The following RFX7 variants were observed in gnomAD, a reference collection of about 807,000 sequenced individuals.
The protein encoded by RFX7 is regulatory factor X7.
RFX7 carries 26 observed loss-of-function variants against 111.8 expected under a neutral mutation model. The observed-to-expected ratio is 0.23, with a 90% CI of 0.17 to 0.32. The LOEUF (loss-of-function observed/expected upper bound fraction) is 0.32. Ranked by LOEUF, RFX7 falls within the 10% of genes least tolerant of loss-of-function variation. The pLI is 1.00. For synonymous variants in RFX7, 624 were observed against 624.4 expected (o/e 1.00, Z 0.01); for missense variants, 1,573 against 1,772.9 (o/e 0.89, Z 2.02).
At chr15:56,105,404 A>G (rs1478243790) in intron 5 of RFX7, among the ~76,000 whole-genome samples, 1 of 152,238 alleles carries the variant, frequency 6.6e-6, no homozygotes, top group Non-Finnish European at 1.5e-5. Flanking sequence ...ACTAGGAACA[A>G]GATTTAAGGG....
At chr15:56,132,500 T>C (rs2042231438) in intron 5 of RFX7, among the ~76,000 whole-genome samples, 1 of 151,724 alleles carries the variant, frequency 6.6e-6, no homozygotes, top group Non-Finnish European at 1.5e-5. Context: ...TTAGAAAAAA[T>C]TAAAATAAGT....
At chr15:56,097,746 C>CAAAAAAAAAAAAAAAAAAAAAAAAAAA (rs67718449) in intron 9 of RFX7, among the ~76,000 whole-genome samples, 1 of 47,338 alleles carries the variant, frequency 2.1e-5, no homozygotes, top group Non-Finnish European at 3.3e-5. Flanking sequence ...GACTCTGTCT[C>CAAAAAAAAAAAAAAAAAAAAAAAAAAA]AAAAAAAAAA....
At chr15:56,217,844 A>C (rs2043378498) in intron 2 of RFX7, among the ~76,000 whole-genome samples, 1 of 152,184 alleles carries the variant, frequency 6.6e-6, no homozygotes, top group African/African-American at 2.4e-5. Context: ...TCTTTCACTC[A>C]ATCGAGCCAA....
chr15:56,186,365 T>C (rs1226865824), intron 2 of RFX7, among the ~76,000 whole-genome samples: 1 of 152,236 alleles, frequency 6.6e-6, no homozygotes, highest in East Asian at 1.9e-4. Flanking sequence ...AAAACCACTA[T>C]GGGTCATTTA....
chr15:56,117,685 G>C (rs2042025605), intron 5 of RFX7, among the ~76,000 whole-genome samples: 1 of 151,878 alleles, frequency 6.6e-6, no homozygotes. Context: ...TCTGTGAAAC[G>C]AACTTTTATC....
intron 5 of RFX7, among the ~76,000 whole-genome samples, chr15:56,109,439 C>T (rs1282289973): frequency 1.3e-5 from 2 of 151,702 alleles, no homozygotes; most frequent in African/African-American, 4.9e-5. Context: ...CCCAAAGTGC[C>T]GAGATTGCAG....
intron 5 of RFX7, among the ~76,000 whole-genome samples, chr15:56,142,447 C>G (rs1371858521): frequency 6.6e-6 from 1 of 152,152 alleles, no homozygotes; most frequent in African/African-American, 2.4e-5. Context: ...GCCTTCCACT[C>G]TCTAACCCCA....
chr15:56,143,852 T>C (rs1322489213), intron 4 of RFX7, among the ~76,000 whole-genome samples: 1 of 152,206 alleles, frequency 6.6e-6, no homozygotes, highest in African/African-American at 2.4e-5. Flanking sequence ...CTTAAAAGGT[T>C]AAGGAAACTC....
At chr15:56,115,109 A>G (rs1285526829) in intron 5 of RFX7, among the ~76,000 whole-genome samples, 1 of 152,164 alleles carries the variant, frequency 6.6e-6, no homozygotes, top group African/African-American at 2.4e-5. Context: ...CTCTGGGTTC[A>G]AGCAATTCTC....
In RFX7 at chr15:56,197,710, G is replaced by T. The variant is rs550350352; in HGVS notation, c.162-18407C>A. 5.2e-4 allele frequency among the ~76,000 whole-genome samples: 79 copies of T among 152,180 alleles called. 1 individual carries two copies. The highest frequency in any genetic ancestry group is 1.9e-3 in the African/African-American group (79 of 41,496). On this transcript the variant is annotated intron_variant, in intron 2 of 9. Coordinates refer to ENST00000559447, the MANE Select transcript of RFX7 (RefSeq NM_022841.7). ...GAGAAAGGGAAGCAAAGTAGGGATA[G>T]GAGTGTGGAAAAAAAGTATTTGGAT...
At chr15:56,165,201 T>TA (rs1316941414) in intron 3 of RFX7, among the ~76,000 whole-genome samples, 2 of 152,234 alleles carry the variant, frequency 1.3e-5, no homozygotes, top group African/African-American at 4.8e-5. Flanking sequence ...GCTGCTCACT[T>TA]ACTGCTGTGT....
intron 5 of RFX7, among the ~76,000 whole-genome samples, chr15:56,138,668 C>A (rs1366978319): frequency 6.6e-6 from 1 of 152,104 alleles, no homozygotes; most frequent in Non-Finnish European, 1.5e-5. Context: ...ATGATGTTAG[C>A]TGGTTGTTTT....
At chr15:56,173,500 G>A (rs935027703) in intron 3 of RFX7, among the ~76,000 whole-genome samples, 8 of 152,234 alleles carry the variant, frequency 5.3e-5, no homozygotes, top group African/African-American at 1.9e-4. Context: ...TGGACCACAG[G>A]CCGGACACAG....
chr15:56,115,196 G>C (rs1316132492), intron 5 of RFX7, among the ~76,000 whole-genome samples: 2 of 152,052 alleles, frequency 1.3e-5, no homozygotes, highest in Non-Finnish European at 2.9e-5. Flanking sequence ...ATTTTTACTA[G>C]AGACAGGGAT....
Position 56,183,004 on chromosome 15 carries a change from A to G in RFX7, c.162-3701T>C, listed in dbSNP as rs74663958. 1.8e-3 allele frequency among the ~76,000 whole-genome samples: 280 copies of G among 152,232 alleles called. 6 individuals are homozygous for G. The East Asian group carries it at 0.044, about 24-fold the overall frequency. ...ATTACCTTGCATATATATGCCATTTATACATGATATAGGTAATACATATAT... is the reference window on the plus strand; with the variant it reads ...ATTACCTTGCATATATATGCCATTTGTACATGATATAGGTAATACATATAT... On this transcript the variant is annotated intron_variant, in intron 2 of 9. Coordinates refer to ENST00000559447, the MANE Select transcript of RFX7 (RefSeq NM_022841.7).
intron 5 of RFX7, among the ~76,000 whole-genome samples, chr15:56,109,080 C>G (rs1028421943): frequency 1.3e-5 from 2 of 152,214 alleles, no homozygotes; most frequent in African/African-American, 4.8e-5. Context: ...TTTCCACGGT[C>G]TCCCTCTGAT....
chr15:56,181,201 C>G (rs573769552), intron 2 of RFX7, among the ~76,000 whole-genome samples: 13 of 152,232 alleles, frequency 8.5e-5, no homozygotes, highest in Non-Finnish European at 1.8e-4. Context: ...TCTAGCCAGG[C>G]AGCCTCCGTG....
chr15:56,156,318 C>T (rs2042652022), intron 3 of RFX7, among the ~76,000 whole-genome samples: 1 of 152,044 alleles, frequency 6.6e-6, no homozygotes, highest in South Asian at 2.1e-4. Flanking sequence ...CAAAGTATTT[C>T]AAACACAGTA....
Position 56,130,795 on chromosome 15 carries a change from A to G in RFX7, c.401+11983T>C, listed in dbSNP as rs796734595. Among the ~76,000 whole-genome samples, 31 of 152,208 alleles carry G rather than the reference A, an allele frequency of 2.0e-4. 1 individual carries two copies. Among genetic ancestry groups the G allele is most frequent in the African/African-American group, 7.0e-4 (29 of 41,574 alleles). On this transcript the variant is annotated intron_variant, in intron 5 of 9. Coordinates refer to ENST00000559447, the MANE Select transcript of RFX7 (RefSeq NM_022841.7). ...AAATATGAAAAAAGAGGAAAATTCA[A>G]TGTACAAAACTAGAAATATCAAAAA... is the stretch of plus-strand genomic sequence containing the variant.
Sources: allele counts gnomAD v4.1 joint callset (sites outside exome capture counted in the v4.1 genomes callset), GRCh38; gene constraint gnomAD v4.1.1; transcripts MANE v1.5; gene names NCBI Gene and HGNC (gene_info 2026-07-23, HGNC 2026-07-21).